Variants in RUNX2 observed in about 807,000 individuals in gnomAD.
RUNX2 encodes the protein RUNX family transcription factor 2.
Under a neutral mutation model 51.7 loss-of-function variants are expected in RUNX2, and 10 were observed. The observed-to-expected ratio is 0.19, with a 90% CI of 0.12 to 0.33. The LOEUF is 0.33. Among genes scored for constraint, RUNX2 ranks in the 10% least tolerant of loss-of-function variants. The pLI, the probability that RUNX2 is intolerant of heterozygous loss-of-function variation, is 1.00. For missense variants in RUNX2, 562 were observed against 691.3 expected (o/e 0.81, Z 2.10); for synonymous variants, 276 against 273.6 (o/e 1.01, Z -0.09).
At chr6:45,502,185 CT>C (rs1199750046) in intron 6 of RUNX2, among the ~76,000 whole-genome samples, 1 of 152,166 alleles carries the variant, frequency 6.6e-6, no homozygotes, top group African/African-American at 2.4e-5. Context: ...TGTCATTTAT[CT>C]TGGAGCAGAG....
At chr6:45,491,162 C>T (rs565784026) in intron 5 of RUNX2, among the ~76,000 whole-genome samples, 3 of 152,134 alleles carry the variant, frequency 2.0e-5, no homozygotes, top group Admixed American at 6.5e-5. Flanking sequence ...AGGCTCCCCC[C>T]CTCCGCCAAA....
chr6:45,337,772 T>C (rs777486801), intron 2 of RUNX2, among the ~76,000 whole-genome samples: 1 of 152,012 alleles, frequency 6.6e-6, no homozygotes, highest in Non-Finnish European at 1.5e-5. Flanking sequence ...TTGGTTGTTA[T>C]GTTTATTTTT....
intron 5 of RUNX2, among the ~76,000 whole-genome samples, chr6:45,470,033 CA>C (rs1336775744): frequency 2.7e-4 from 41 of 152,286 alleles, no homozygotes; most frequent in African/African-American, 9.6e-4. Context: ...ACACTATCGC[CA>C]CTGGAAAAGT....
At chr6:45,447,888 G>A (rs1157945360) in intron 5 of RUNX2, among the ~76,000 whole-genome samples, 1 of 152,128 alleles carries the variant, frequency 6.6e-6, no homozygotes, top group Non-Finnish European at 1.5e-5. Flanking sequence ...GTGTGTGTTA[G>A]CTGCTGCCAA....
intron 2 of RUNX2, among the ~76,000 whole-genome samples, chr6:45,373,144 G>A (rs950309115): frequency 6.6e-6 from 1 of 151,936 alleles, no homozygotes; most frequent in Non-Finnish European, 1.5e-5. Flanking sequence ...TAGAGACCAG[G>A]TCTCACTATA....
chr6:45,430,934 G>A (rs542874149), intron 3 of RUNX2, among the ~76,000 whole-genome samples: 237 of 152,318 alleles, frequency 1.6e-3, no homozygotes, highest in African/African-American at 5.3e-3. Flanking sequence ...ATATATGACA[G>A]TGAAGGATCT....
chr6:45,528,909 AG>A lies in RUNX2; in HGVS notation c.1022-16306del, dbSNP rs1296013825. On this transcript the variant is annotated intron_variant, in intron 7 of 8. Transcript: ENST00000647337. ...AAATTGGGGCTTATCTTAAATAGCAAGGAACTTGAATTGATAAGGGATGAGG... is the reference window on the plus strand; with the variant it reads ...AAATTGGGGCTTATCTTAAATAGCAAGAACTTGAATTGATAAGGGATGAGG... 2.0e-5 allele frequency among the ~76,000 whole-genome samples: 3 copies of A among 152,356 alleles called. No homozygotes were observed. The East Asian group carries it at 5.8e-4, about 29-fold the overall frequency.
At chr6:45,485,619 T>C (rs1263743449) in intron 5 of RUNX2, among the ~76,000 whole-genome samples, 2 of 150,380 alleles carry the variant, frequency 1.3e-5, no homozygotes, top group African/African-American at 4.9e-5. Flanking sequence ...TCTGTTTAGA[T>C]TGATATCACA....
intron 2 of RUNX2, among the ~76,000 whole-genome samples, chr6:45,366,789 A>G (rs926552170): frequency 7.9e-5 from 12 of 152,210 alleles, no homozygotes; most frequent in African/African-American, 2.9e-4. Context: ...GCACCCTACA[A>G]TTTGTAAGAA....
chr6:45,375,895 C>G (rs1368400479), intron 2 of RUNX2, among the ~76,000 whole-genome samples: 1 of 151,286 alleles, frequency 6.6e-6, no homozygotes, highest in Non-Finnish European at 1.5e-5. Flanking sequence ...CCTAATTTCA[C>G]TTATCTCTCC....
chr6:45,433,036 T>A (rs917929176), intron 4 of RUNX2, among the ~76,000 whole-genome samples: 1 of 152,194 alleles, frequency 6.6e-6, no homozygotes, highest in Non-Finnish European at 1.5e-5. Context: ...AGATGTCAAA[T>A]TATTACCATT....
In RUNX2 at chr6:45,422,960, A is replaced by G. The variant is rs1231715575; in HGVS notation, c.423+3A>G. The G allele has an allele frequency of 2.5e-6, 4 of 1,609,096 alleles. No individual in the cohort carries two copies. The African/African-American group carries it at 4.0e-5, about 16-fold the overall frequency. ...AGACCCTGCCCGTGGCCTTCAAGGTAAGAGGCTACACCGCCCCCCGCCCCC... is the reference window on the plus strand; with the variant it reads ...AGACCCTGCCCGTGGCCTTCAAGGTGAGAGGCTACACCGCCCCCCGCCCCC... On this transcript the variant is annotated splice_donor_region_variant and intron_variant, in intron 3 of 8. Transcript: ENST00000647337.
At chr6:45,328,885 A>G in intron 2 of RUNX2, 101 bp downstream of exon 2, 3 of 1,192,312 alleles carry the variant, frequency 2.5e-6, no homozygotes, top group Non-Finnish European at 3.7e-6. Flanking sequence ...AGCATATTAA[A>G]GATCCTAATT....
chr6:45,518,854 T>G (rs1038037862), intron 7 of RUNX2, among the ~76,000 whole-genome samples: 5 of 152,200 alleles, frequency 3.3e-5, no homozygotes, highest in Non-Finnish European at 7.3e-5. Context: ...ACCCAAAGTA[T>G]TAATTTTCTA....
At chr6:45,503,395 A>G (rs527684990) in intron 6 of RUNX2, among the ~76,000 whole-genome samples, 1 of 152,346 alleles carries the variant, frequency 6.6e-6, no homozygotes, top group African/African-American at 2.4e-5. Context: ...AACGATGGAT[A>G]TAATCATCCA....
At chr6:45,414,000 T>C (rs1798009042) in intron 2 of RUNX2, among the ~76,000 whole-genome samples, 1 of 152,058 alleles carries the variant, frequency 6.6e-6, no homozygotes, top group Admixed American at 6.6e-5. Context: ...AAAAATGAAA[T>C]TGAATACCAA....
At chr6:45,333,745 G>C (rs989326218) in intron 2 of RUNX2, among the ~76,000 whole-genome samples, 9 of 151,208 alleles carry the variant, frequency 6.0e-5, no homozygotes, top group African/African-American at 2.2e-4. Flanking sequence ...TGCTACATAA[G>C]TACTTAATAC....
intron 5 of RUNX2, among the ~76,000 whole-genome samples, chr6:45,442,377 A>AGC: frequency 6.6e-6 from 1 of 152,360 alleles, no homozygotes; most frequent in African/African-American, 2.4e-5. Context: ...CAGCAGCAGC[A>AGC]ATAGTAATGC....
intron 7 of RUNX2, among the ~76,000 whole-genome samples, chr6:45,518,016 T>A (rs2150426759): frequency 1.3e-5 from 2 of 152,300 alleles, no homozygotes; most frequent in Middle Eastern, 6.8e-3. Flanking sequence ...GAGGGAGGAA[T>A]GCCTTAAGAA....
Sources: allele counts gnomAD v4.1 joint callset (sites outside exome capture counted in the v4.1 genomes callset), GRCh38; gene constraint gnomAD v4.1.1; transcripts MANE v1.5; gene names NCBI Gene and HGNC (gene_info 2026-07-23, HGNC 2026-07-21).